Variants in DSTN observed in about 807,000 individuals in gnomAD.
DSTN encodes destrin, actin depolymerizing factor.
In DSTN, 10 loss-of-function variants were observed where a neutral mutation model predicts 16.8. The ratio of observed to expected loss-of-function variants is 0.60; its 90% confidence interval spans 0.37 to 1.01. The LOEUF is 1.01. DSTN is among the 50% of genes least tolerant of loss of function. The pLI is 0.01. For missense variants in DSTN, 141 were observed against 196.7 expected, an observed-to-expected ratio of 0.72 and a Z score of 1.69; for synonymous variants, 57 against 58.9, an observed-to-expected ratio of 0.97 and a Z score of 0.14.
At chr20:17,576,169 T>C (rs1191648338) in intron 1 of DSTN, 2 of 152,240 alleles carry the variant, frequency 1.3e-5, no homozygotes, top group Admixed American at 6.5e-5. Context: ...GAGTTGAATA[T>C]TTAGAGTGAT....
chr20:17,584,438 T>C (rs189079442), intron 1 of DSTN, among the ~76,000 whole-genome samples: 3 of 151,898 alleles, frequency 2.0e-5, no homozygotes, highest in African/African-American at 7.3e-5. Context: ...TCACCTGAGG[T>C]TGGGAGTTCG....
intron 1 of DSTN, chr20:17,599,434 C>G (rs1201759299): frequency 1.3e-5 from 2 of 152,278 alleles, no homozygotes; most frequent in African/African-American, 4.8e-5. Flanking sequence ...TTCACTGTCT[C>G]ATGGTCACTC....
At chr20:17,581,042 G>A (rs1329390838) in intron 1 of DSTN, among the ~76,000 whole-genome samples, 1 of 152,210 alleles carries the variant, frequency 6.6e-6, no homozygotes, top group African/African-American at 2.4e-5. Flanking sequence ...TCAAAGGTGA[G>A]GAATTTGAAT....
At chr20:17,603,420 A>G (rs960162903) in intron 2 of DSTN, among the ~76,000 whole-genome samples, 2 of 152,200 alleles carry the variant, frequency 1.3e-5, no homozygotes, top group South Asian at 4.1e-4. Flanking sequence ...AGAAAAAAAA[A>G]TACTGGTTTT....
intron 3 of DSTN, among the ~76,000 whole-genome samples, chr20:17,605,972 G>T (rs1055308972): frequency 6.6e-6 from 1 of 152,158 alleles, no homozygotes; most frequent in Admixed American, 6.5e-5. Context: ...GCCGGGCGTG[G>T]TGGCACATGC....
At chr20:17,580,612 T>A (rs2035331561) in intron 1 of DSTN, among the ~76,000 whole-genome samples, 1 of 152,126 alleles carries the variant, frequency 6.6e-6, no homozygotes, top group Non-Finnish European at 1.5e-5. Context: ...CCAGGTGTGA[T>A]GGCACGCGCC....
At position 17,607,020 on chromosome 20, in the gene DSTN, T is replaced by G. The variant is rs780883273; in HGVS notation, c.389-17T>G. 1 of 1,611,088 alleles carries G rather than the reference T, an allele frequency of 6.2e-7. No individual in the cohort carries two copies. Among genetic ancestry groups the G allele is most frequent in the South Asian group, 1.1e-5 (1 of 90,392 alleles). ...GCTGCCATAATTGTAAATAGAAGTG[T>G]TGTTTTTTCTCTCTAGGCATAAAAC... On this transcript the variant is annotated splice_polypyrimidine_tract_variant and intron_variant, in intron 3 of 3. Coordinates refer to ENST00000246069, the MANE Select transcript of DSTN (RefSeq NM_006870.4).
intron 1 of DSTN, among the ~76,000 whole-genome samples, chr20:17,582,055 T>A (rs544605369): frequency 6.6e-6 from 1 of 151,078 alleles, no homozygotes; most frequent in Non-Finnish European, 1.5e-5. Context: ...CAAGAAAAAG[T>A]CCCTGTCTCT....
intron 1 of DSTN, among the ~76,000 whole-genome samples, chr20:17,595,984 A>G (rs1600709558): frequency 1.3e-5 from 2 of 151,900 alleles, no homozygotes; most frequent in Non-Finnish European, 2.9e-5. Context: ...TACCTCTTCA[A>G]TTCCCCATGG....
intron 1 of DSTN, among the ~76,000 whole-genome samples, chr20:17,580,158 G>T (rs975619955): frequency 3.9e-5 from 6 of 152,050 alleles, no homozygotes; most frequent in Non-Finnish European, 8.8e-5. Context: ...TTTTTAATTT[G>T]AATTTTCAAG....
At chr20:17,581,245 C>G (rs2035340437) in intron 1 of DSTN, among the ~76,000 whole-genome samples, 2 of 152,024 alleles carry the variant, frequency 1.3e-5, no homozygotes, top group Admixed American at 6.6e-5. Flanking sequence ...CTTTGGGAGG[C>G]CGAGGTGAGA....
chr20:17,595,014 A>C (rs975776976), intron 1 of DSTN, among the ~76,000 whole-genome samples: 2 of 152,222 alleles, frequency 1.3e-5, no homozygotes, highest in Non-Finnish European at 2.9e-5. Context: ...GAAGCTCAGA[A>C]GAGCAGAAGT....
At chr20:17,605,164 T>C (rs2035628394) in intron 3 of DSTN, 1 of 456,156 alleles carries the variant, frequency 2.2e-6, no homozygotes, top group Non-Finnish European at 4.4e-6. Context: ...CACTGGGTGA[T>C]TGGGATCCTG....
chr20:17,595,159 C>G (rs772915698), intron 1 of DSTN, among the ~76,000 whole-genome samples: 1 of 152,196 alleles, frequency 6.6e-6, no homozygotes, highest in Admixed American at 6.5e-5. Context: ...ACCACCCTCA[C>G]CCCTTGACCT....
intron 1 of DSTN, among the ~76,000 whole-genome samples, chr20:17,572,669 C>G (rs2035220590): frequency 6.6e-6 from 1 of 152,112 alleles, no homozygotes; most frequent in Admixed American, 6.5e-5. Flanking sequence ...ACACTACAAC[C>G]CAGTGAAATA....
chr20:17,599,332 A>C (rs556261279), intron 1 of DSTN: 8 of 152,424 alleles, frequency 5.2e-5, no homozygotes, highest in Middle Eastern at 3.4e-3. Context: ...ATCATGGCTG[A>C]ACATTCCAGA....
chr20:17,602,955 G>T (rs2035602680), intron 2 of DSTN, among the ~76,000 whole-genome samples: 1 of 152,228 alleles, frequency 6.6e-6, no homozygotes, highest in Non-Finnish European at 1.5e-5. Flanking sequence ...GGGAGGCAGA[G>T]GTTGCAGTGA....
intron 1 of DSTN, among the ~76,000 whole-genome samples, chr20:17,577,176 T>C (rs190996991): frequency 6.6e-6 from 1 of 152,362 alleles, no homozygotes; most frequent in Non-Finnish European, 1.5e-5. Context: ...TATGCAAATA[T>C]TCCAAAATTT....
At chr20:17,572,502 T>G (rs16999428) in intron 1 of DSTN, among the ~76,000 whole-genome samples, 4,617 of 152,330 alleles carry the variant, frequency 0.03, 205 homozygotes, top group African/African-American at 0.1. Context: ...CTTTTATGCT[T>G]CTTGGAAAGT....
Sources: gnomAD v4.1 joint callset for allele counts (sites outside exome capture counted in the v4.1 genomes callset) on GRCh38, gnomAD v4.1.1 for gene constraint, MANE v1.5 for transcripts, NCBI Gene and HGNC (gene_info 2026-07-23, HGNC 2026-07-21) for gene names.